Variants in RTN1 observed in about 807,000 individuals in gnomAD.
RTN1 encodes reticulon 1, also known as reticulon-1.
Under a neutral mutation model 65.5 loss-of-function variants are expected in RTN1, and 25 were observed. The observed-to-expected ratio is 0.38, with a 90% CI of 0.28 to 0.53. The LOEUF (loss-of-function observed/expected upper bound fraction) is 0.53, where lower values mean the gene tolerates loss of function less well. RTN1 is among the 20% of genes least tolerant of loss of function. RTN1 has a pLI of 0.79. For missense variants in RTN1, 983 were observed against 1,025.4 expected (o/e 0.96, Z 0.57); for synonymous variants, 471 against 447.6 (o/e 1.05, Z -0.66).
intron 1 of RTN1, among the ~76,000 whole-genome samples, chr14:59,824,516 AG>A (rs1308623170): frequency 3.9e-5 from 6 of 152,204 alleles, no homozygotes; most frequent in African/African-American, 1.4e-4. Context: ...CAGAAAAGTA[AG>A]ATGTTACATA....
intron 1 of RTN1, among the ~76,000 whole-genome samples, chr14:59,862,167 C>T (rs1219651398): frequency 1.3e-5 from 2 of 152,198 alleles, no homozygotes; most frequent in Non-Finnish European, 2.9e-5. Context: ...ATTTTCAGAA[C>T]TTATAGTCAA....
At chr14:59,818,820 G>A (rs1051958750) in intron 1 of RTN1, among the ~76,000 whole-genome samples, 1 of 152,182 alleles carries the variant, frequency 6.6e-6, no homozygotes, top group African/African-American at 2.4e-5. Context: ...CAACCTCAGC[G>A]ACATCTGCTA....
At chr14:59,689,036 T>A (rs979512840) in intron 3 of RTN1, among the ~76,000 whole-genome samples, 14 of 151,798 alleles carry the variant, frequency 9.2e-5, no homozygotes, top group Non-Finnish European at 1.9e-4. Flanking sequence ...CTCAACAAGA[T>A]CCACGACAAG....
intron 1 of RTN1, among the ~76,000 whole-genome samples, chr14:59,813,514 C>T (rs546348098): frequency 7.2e-5 from 11 of 152,252 alleles, no homozygotes; most frequent in South Asian, 4.2e-4. Flanking sequence ...CATTTGAATA[C>T]GTGTATCTTT....
chr14:59,768,057 T>C (rs960706309), intron 1 of RTN1, among the ~76,000 whole-genome samples: 2 of 152,226 alleles, frequency 1.3e-5, no homozygotes, highest in African/African-American at 4.8e-5. Flanking sequence ...AAGTTTGTTA[T>C]ATTGTTATTA....
intron 1 of RTN1, among the ~76,000 whole-genome samples, chr14:59,833,511 A>C (rs557260887): frequency 6.6e-6 from 1 of 152,176 alleles, no homozygotes; most frequent in Non-Finnish European, 1.5e-5. Flanking sequence ...CACTAATTTT[A>C]TTTGAAAAAA....
intron 1 of RTN1, among the ~76,000 whole-genome samples, chr14:59,812,643 T>C (rs1341234473): frequency 6.6e-6 from 1 of 152,226 alleles, no homozygotes; most frequent in Admixed American, 6.5e-5. Context: ...TCAATTCAGC[T>C]ATTTTCTCCA....
At chr14:59,604,831 C>G (rs187185128) in intron 5 of RTN1, 3 of 152,410 alleles carry the variant, frequency 2.0e-5, no homozygotes, top group African/African-American at 7.2e-5. Flanking sequence ...TTCAAAGGAA[C>G]CCAGCAAATT....
intron 3 of RTN1, among the ~76,000 whole-genome samples, chr14:59,722,718 A>C (rs1884671163): frequency 6.6e-6 from 1 of 151,894 alleles, no homozygotes; most frequent in African/African-American, 2.4e-5. Flanking sequence ...CAAGAACAAC[A>C]ATAAAAAAAA....
rs369507862 is a variant in RTN1 at position 59,624,415 on chromosome 14, A to G, written c.1766-16923T>C. 3.3e-5 allele frequency among the ~76,000 whole-genome samples: 5 copies of G among 151,904 alleles called. No individual in the cohort carries two copies. In the East Asian group the frequency reaches 5.8e-4, roughly 18 times the overall value. ...TCAAATTCCTAGCTTTCAAATTATG[A>G]GCTTAATTATAAGGCAGCCATATTT... On this transcript the variant is annotated intron_variant, in intron 3 of 8. Transcript: ENST00000267484.
rs540226957 is a variant in RTN1, at chr14:59,810,411, A to C, written c.241+59979T>G. 1.4e-3 allele frequency among the ~76,000 whole-genome samples: 209 copies of C among 152,300 alleles called. 6 individuals carry two copies. In the South Asian group the frequency reaches 0.042, roughly 30 times the overall value. On this transcript the variant is annotated intron_variant, in intron 1 of 8. Transcript: ENST00000267484. ...AGACACTGATGCAAACATGAAGTAC[A>C]TATGCCTACTGTAGAAGTAATAGAG...
intron 3 of RTN1, chr14:59,607,730 T>C (rs926673911): frequency 9.4e-6 from 5 of 531,168 alleles, no homozygotes; most frequent in South Asian, 2.0e-5. Flanking sequence ...GAAAAGACTA[T>C]TGAATCTCCA....
chr14:59,747,110 GT>G (rs2139510855), intron 1 of RTN1, among the ~76,000 whole-genome samples: 1 of 152,294 alleles, frequency 6.6e-6, no homozygotes, highest in Admixed American at 6.5e-5. Context: ...TATTTCATCA[GT>G]TTTCCCTCTT....
At chr14:59,744,229 T>G (rs533047991) in intron 2 of RTN1, among the ~76,000 whole-genome samples, 1 of 152,332 alleles carries the variant, frequency 6.6e-6, no homozygotes, top group South Asian at 2.1e-4. Flanking sequence ...TTTCAGAGTT[T>G]ACTAGAAGCT....
chr14:59,714,126 T>G (rs1438626893), intron 3 of RTN1, among the ~76,000 whole-genome samples: 1 of 151,910 alleles, frequency 6.6e-6, no homozygotes, highest in Admixed American at 6.6e-5. Context: ...TCCCTGATAC[T>G]TGGGATGCTG....
chr14:59,839,212 T>C (rs527817990), intron 1 of RTN1, among the ~76,000 whole-genome samples: 1 of 152,330 alleles, frequency 6.6e-6, no homozygotes, highest in South Asian at 2.1e-4. Flanking sequence ...TATTTTTTCA[T>C]GTTCCTAACA....
At chr14:59,662,471 C>G (rs1883272599) in intron 3 of RTN1, among the ~76,000 whole-genome samples, 1 of 152,070 alleles carries the variant, frequency 6.6e-6, no homozygotes. Context: ...TCATCCATGT[C>G]CCTACAAAGG....
At chr14:59,793,180 T>C (rs1192711204) in intron 1 of RTN1, among the ~76,000 whole-genome samples, 1 of 152,230 alleles carries the variant, frequency 6.6e-6, no homozygotes, top group African/African-American at 2.4e-5. Flanking sequence ...ACATAGCTGC[T>C]TTTACTAATT....
At chr14:59,722,246 A>G (rs1009874258) in intron 3 of RTN1, among the ~76,000 whole-genome samples, 1 of 152,216 alleles carries the variant, frequency 6.6e-6, no homozygotes, top group African/African-American at 2.4e-5. Flanking sequence ...TAACATGGAC[A>G]TACGGAATTT....
Sources: allele counts gnomAD v4.1 joint callset (sites outside exome capture counted in the v4.1 genomes callset), GRCh38; gene constraint gnomAD v4.1.1; transcripts MANE v1.5; gene names NCBI Gene and HGNC (gene_info 2026-07-23, HGNC 2026-07-21).